Variants in ABCC4 observed in about 807,000 individuals in gnomAD.
The protein encoded by ABCC4 is ATP binding cassette subfamily C member 4 (PEL blood group), also known as ATP-binding cassette sub-family C member 4.
A neutral mutation model predicts 168.5 loss-of-function variants in ABCC4; 102 were observed. That is an observed-to-expected ratio of 0.61 (90% confidence interval 0.52 to 0.71). The LOEUF (loss-of-function observed/expected upper bound fraction) is 0.71, where lower values mean the gene tolerates loss of function less well. Among genes scored for constraint, ABCC4 ranks in the 30% least tolerant of loss-of-function variants. The probability of loss-of-function intolerance (pLI) is 0.00; values close to 1 mark genes in which losing one functional copy is unlikely to be tolerated. For synonymous variants in ABCC4, 617 were observed against 590.7 expected (o/e 1.04, Z -0.65); for missense variants, 1,402 against 1,605.8 (o/e 0.87, Z 2.17).
intron 9 of ABCC4, among the ~76,000 whole-genome samples, chr13:95,192,702 G>C (rs2038293812): frequency 6.6e-6 from 1 of 152,124 alleles, no homozygotes; most frequent in Non-Finnish European, 1.5e-5. Context: ...CAGATCACTT[G>C]AGGCCAGAAA....
chr13:95,166,890 T>C (rs1372261612), intron 14 of ABCC4, among the ~76,000 whole-genome samples: 1 of 151,992 alleles, frequency 6.6e-6, no homozygotes, highest in Non-Finnish European at 1.5e-5. Context: ...GTCTTTACTC[T>C]AAAATTGCCC....
intron 14 of ABCC4, among the ~76,000 whole-genome samples, chr13:95,168,460 G>C (rs2037357921): frequency 6.6e-6 from 1 of 152,038 alleles, no homozygotes; most frequent in South Asian, 2.1e-4. Flanking sequence ...AGCAAGGAGG[G>C]GCTTACACAC....
Position 95,232,840 on chromosome 13 carries a change from A to G in ABCC4, c.531+1770T>C, listed in dbSNP as rs573283728. Among the ~76,000 whole-genome samples, 4 of 152,350 alleles carry G rather than the reference A, an allele frequency of 2.6e-5. No homozygotes were observed. In the South Asian group the frequency reaches 6.2e-4, roughly 24 times the overall value. On this transcript the variant is annotated intron_variant, in intron 4 of 30. Coordinates refer to ENST00000645237, the MANE Select transcript of ABCC4 (RefSeq NM_005845.5). Reference sequence around the variant, plus strand: ...CACTCCTTCTATAACAGTTAAGACCACAGCAAACTATGGTATTATTTATGG... The same window carrying G: ...CACTCCTTCTATAACAGTTAAGACCGCAGCAAACTATGGTATTATTTATGG...
chr13:95,048,677 GT>G (rs1268350542), intron 27 of ABCC4, among the ~76,000 whole-genome samples: 1 of 152,216 alleles, frequency 6.6e-6, no homozygotes, highest in Non-Finnish European at 1.5e-5. Context: ...GTCTTATGGT[GT>G]CCTGAATACA....
At chr13:95,114,307 A>G (rs1056064290) in intron 20 of ABCC4, among the ~76,000 whole-genome samples, 8 of 152,238 alleles carry the variant, frequency 5.3e-5, no homozygotes, top group Admixed American at 4.6e-4. Flanking sequence ...GACAAAGCAC[A>G]TAAGGGATAC....
chr13:95,113,050 A>G (rs1039338229), intron 20 of ABCC4, among the ~76,000 whole-genome samples: 1 of 152,214 alleles, frequency 6.6e-6, no homozygotes, highest in African/African-American at 2.4e-5. Flanking sequence ...ATGCCCATGC[A>G]ATGGAGAAGG....
intron 1 of ABCC4, among the ~76,000 whole-genome samples, chr13:95,291,148 G>A (rs2041395045): frequency 6.6e-6 from 1 of 152,028 alleles, no homozygotes; most frequent in African/African-American, 2.4e-5. Context: ...GAGCTCAAGA[G>A]TTCGAGACTA....
chr13:95,138,932 C>T (rs1426163598), intron 19 of ABCC4, among the ~76,000 whole-genome samples: 3 of 152,202 alleles, frequency 2.0e-5, no homozygotes, highest in Non-Finnish European at 4.4e-5. Context: ...CTGCTGTAAC[C>T]CCAACCACCC....
chr13:95,176,910 A>G (rs768588823), intron 13 of ABCC4, among the ~76,000 whole-genome samples: 1 of 152,250 alleles, frequency 6.6e-6, no homozygotes, highest in Non-Finnish European at 1.5e-5. Flanking sequence ...GTCGGCACAC[A>G]TGAGTTTATA....
intron 19 of ABCC4, among the ~76,000 whole-genome samples, chr13:95,151,882 C>A (rs1457115286): frequency 1.3e-5 from 2 of 152,172 alleles, no homozygotes; most frequent in Non-Finnish European, 2.9e-5. Context: ...AGAATTGGGG[C>A]ATCTCAACAC....
At chr13:95,288,581 G>A (rs532409682) in intron 1 of ABCC4, among the ~76,000 whole-genome samples, 7 of 152,128 alleles carry the variant, frequency 4.6e-5, no homozygotes, top group East Asian at 1.9e-4. Flanking sequence ...TGAGGTGGGC[G>A]GATCACCTGA....
chr13:95,241,881 C>T (rs908521145), intron 3 of ABCC4, among the ~76,000 whole-genome samples: 2 of 152,242 alleles, frequency 1.3e-5, no homozygotes, highest in Non-Finnish European at 2.9e-5. Flanking sequence ...GAGTATATGG[C>T]TAGGGAGTTA....
intron 4 of ABCC4, among the ~76,000 whole-genome samples, chr13:95,222,185 C>T (rs1369397022): frequency 1.3e-5 from 2 of 151,514 alleles, no homozygotes; most frequent in Admixed American, 6.6e-5. Context: ...CTATACTGTA[C>T]ACTTGGAGCT....
chr13:95,175,830 A>T (rs7350657), intron 13 of ABCC4, among the ~76,000 whole-genome samples: 12,110 of 152,202 alleles, frequency 0.08, 573 homozygotes, highest in Admixed American at 0.11. Context: ...CTCTGCAGAA[A>T]CAACCTGCCG....
chr13:95,177,086 A>C (rs1030163682), intron 13 of ABCC4, among the ~76,000 whole-genome samples: 2 of 152,230 alleles, frequency 1.3e-5, no homozygotes, highest in African/African-American at 4.8e-5. Context: ...TGTGGGTTTT[A>C]AGTGTTCACT....
chr13:95,266,137 A>G (rs934466441), intron 1 of ABCC4: 1 of 152,234 alleles, frequency 6.6e-6, no homozygotes. Context: ...ATTGAATGTT[A>G]TTTGGGAAAA....
At chr13:95,227,940 C>T (rs1162462653) in intron 4 of ABCC4, among the ~76,000 whole-genome samples, 1 of 152,116 alleles carries the variant, frequency 6.6e-6, no homozygotes, top group African/African-American at 2.4e-5. Flanking sequence ...GAACTCCTGG[C>T]CTCAAGTGAT....
chr13:95,250,321 C>T (rs372598273), intron 1 of ABCC4, among the ~76,000 whole-genome samples: 20 of 152,260 alleles, frequency 1.3e-4, no homozygotes, highest in South Asian at 1.0e-3. Flanking sequence ...ATACTTAGTA[C>T]AGCAGCATCG....
At chr13:95,034,449 C>T (rs1247631148) in intron 30 of ABCC4, among the ~76,000 whole-genome samples, 156 bp downstream of exon 30, 1 of 152,224 alleles carries the variant, frequency 6.6e-6, no homozygotes, top group Non-Finnish European at 1.5e-5. Context: ...TACTTCAACC[C>T]GGGACGTGCC....
Sources: gnomAD v4.1 joint callset for allele counts (sites outside exome capture counted in the v4.1 genomes callset) on GRCh38, gnomAD v4.1.1 for gene constraint, MANE v1.5 for transcripts, NCBI Gene and HGNC (gene_info 2026-07-23, HGNC 2026-07-21) for gene names.